The following DLGAP1 variants were observed in gnomAD, a reference collection of about 807,000 sequenced individuals.
DLGAP1 encodes DLG associated protein 1.
In DLGAP1, 11 loss-of-function variants were observed where a neutral mutation model predicts 90.8. The observed-to-expected ratio is 0.12, with a 90% CI of 0.08 to 0.20. The LOEUF is 0.20. Ranked by LOEUF, DLGAP1 falls within the 10% of genes least tolerant of loss-of-function variation. The pLI is 1.00. For missense variants in DLGAP1, 1,050 were observed against 1,333.8 expected (o/e 0.79, Z 3.31); for synonymous variants, 558 against 540.7 (o/e 1.03, Z -0.44).
At chr18:4,062,693 T>C (rs1719667267) in intron 2 of DLGAP1, among the ~76,000 whole-genome samples, 1 of 152,136 alleles carries the variant, frequency 6.6e-6, no homozygotes, top group African/African-American at 2.4e-5. Flanking sequence ...TGCAAACAAA[T>C]CAGTCTCATT....
At chr18:3,552,000 G>A (rs1184949984) in intron 9 of DLGAP1, among the ~76,000 whole-genome samples, 1 of 150,594 alleles carries the variant, frequency 6.6e-6, no homozygotes, top group African/African-American at 2.4e-5. Flanking sequence ...TAGATAGAGG[G>A]TCTCACTATG....
intron 2 of DLGAP1, among the ~76,000 whole-genome samples, chr18:4,021,663 T>C (rs2074612452): frequency 6.6e-6 from 1 of 152,188 alleles, no homozygotes; most frequent in Admixed American, 6.6e-5. Flanking sequence ...AATGGCGCGA[T>C]CTTGGCTCAC....
chr18:3,932,796 T>C (rs985702614), intron 3 of DLGAP1, among the ~76,000 whole-genome samples: 5 of 152,078 alleles, frequency 3.3e-5, no homozygotes, highest in Non-Finnish European at 5.9e-5. Flanking sequence ...CTTAAATCAA[T>C]TGGTGCACAA....
intron 7 of DLGAP1, among the ~76,000 whole-genome samples, chr18:3,672,169 GTGA>G (rs2060108416): frequency 6.7e-6 from 1 of 149,050 alleles, no homozygotes; most frequent in Admixed American, 6.7e-5. Flanking sequence ...GGGAGAAAAT[GTGA>G]TTATTACTAA....
intron 7 of DLGAP1, among the ~76,000 whole-genome samples, chr18:3,682,698 C>T (rs186657355): frequency 7.9e-5 from 12 of 152,234 alleles, no homozygotes; most frequent in Non-Finnish European, 1.2e-4. Context: ...AAGTTCCTGT[C>T]GGCTGTAGCC....
At chr18:4,265,147 C>T (rs192615946) in intron 1 of DLGAP1, among the ~76,000 whole-genome samples, 122 of 144,848 alleles carry the variant, frequency 8.4e-4, no homozygotes, top group African/African-American at 3.0e-3. Flanking sequence ...TCCCTCCCTC[C>T]CATCCTCTCT....
At chr18:4,229,564 C>T (rs571283644) in intron 1 of DLGAP1, among the ~76,000 whole-genome samples, 16 of 151,910 alleles carry the variant, frequency 1.1e-4, no homozygotes, top group Non-Finnish European at 2.1e-4. Flanking sequence ...ATTCCAGGAA[C>T]ATATTGGAGA....
At chr18:3,910,652 C>T (rs978214263) in intron 3 of DLGAP1, among the ~76,000 whole-genome samples, 1 of 152,070 alleles carries the variant, frequency 6.6e-6, no homozygotes, top group African/African-American at 2.4e-5. Context: ...ATTGGCGATT[C>T]GGAATCATTG....
chr18:3,666,467 G>A (rs1778614853), intron 7 of DLGAP1, among the ~76,000 whole-genome samples: 2 of 152,148 alleles, frequency 1.3e-5, no homozygotes, highest in South Asian at 4.1e-4. Context: ...TGGCGTTTGT[G>A]TGCTGTCATT....
intron 1 of DLGAP1, among the ~76,000 whole-genome samples, chr18:4,325,199 G>A (rs1260719802): frequency 2.6e-5 from 4 of 151,986 alleles, no homozygotes; most frequent in Admixed American, 1.3e-4. Context: ...AAAATCACTC[G>A]CATTCCTATA....
chr18:4,361,011 T>G (rs1414200764), intron 1 of DLGAP1, among the ~76,000 whole-genome samples: 1 of 151,940 alleles, frequency 6.6e-6, no homozygotes, highest in African/African-American at 2.4e-5. Flanking sequence ...AGTCAAAAGA[T>G]GAGACAAAGA....
intron 5 of DLGAP1, among the ~76,000 whole-genome samples, chr18:3,805,489 G>C (rs966367467): frequency 2.0e-5 from 3 of 152,206 alleles, no homozygotes; most frequent in Non-Finnish European, 4.4e-5. Context: ...GTGAAAAATA[G>C]TAAAGCTGGA....
At chr18:3,703,420 T>C (rs1359885698) in intron 7 of DLGAP1, among the ~76,000 whole-genome samples, 2 of 152,150 alleles carry the variant, frequency 1.3e-5, no homozygotes, top group Non-Finnish European at 2.9e-5. Flanking sequence ...GACAAATAAA[T>C]GAGACTGGTA....
chr18:3,674,734 C>T (rs1381069816), intron 7 of DLGAP1, among the ~76,000 whole-genome samples: 1 of 152,090 alleles, frequency 6.6e-6, no homozygotes, highest in Non-Finnish European at 1.5e-5. Context: ...ATCACCTATA[C>T]CACGTCCAAC....
At chr18:4,450,217 T>C (rs978327914) in intron 1 of DLGAP1, among the ~76,000 whole-genome samples, 6 of 152,276 alleles carry the variant, frequency 3.9e-5, no homozygotes, top group Admixed American at 2.0e-4. Context: ...CTTAGTGATA[T>C]CTAGCAGGGA....
At chr18:3,753,212 T>TA (rs1448924376) in intron 5 of DLGAP1, among the ~76,000 whole-genome samples, 1 of 152,170 alleles carries the variant, frequency 6.6e-6, no homozygotes, top group African/African-American at 2.4e-5. Flanking sequence ...TGATTTTAGA[T>TA]AAAAACAATG....
chr18:4,007,348 T>C (rs1374170597), intron 2 of DLGAP1, among the ~76,000 whole-genome samples: 2 of 152,002 alleles, frequency 1.3e-5, no homozygotes, highest in African/African-American at 4.8e-5. Flanking sequence ...GCTGTTTTAT[T>C]ACTTTCTTAA....
At chr18:4,093,133 A>G (rs1031225404) in intron 2 of DLGAP1, among the ~76,000 whole-genome samples, 1 of 152,136 alleles carries the variant, frequency 6.6e-6, no homozygotes, top group Non-Finnish European at 1.5e-5. Context: ...GTTCAATTAT[A>G]TGTATTGTAT....
Position 4,306,462 on chromosome 18 carries a change from T to TGA in DLGAP1, c.-267+148542_-267+148543dup, listed in dbSNP as rs1228381727. ...GTGTGTGTGTGTGTGTGTGTGTGTG[T>TGA]GAGAGAGAGAGAGACAGACAGAGAA... On this transcript the variant is annotated intron_variant, in intron 1 of 12. Transcript: ENST00000315677. Among the ~76,000 whole-genome samples, 359 of 52,160 alleles carry TGA rather than the reference T, an allele frequency of 6.9e-3. 4 individuals carry two copies. The highest frequency in any genetic ancestry group is 0.017 in the African/African-American group (321 of 18,838). The allele number at this position is 52,160 out of a possible 152,430, so 34.2% of individuals were successfully genotyped here. A position where few individuals can be genotyped will look rare whatever the true frequency, so the allele number is the denominator to read the frequency against.
Sources: gnomAD v4.1 joint callset for allele counts (sites outside exome capture counted in the v4.1 genomes callset) on GRCh38, gnomAD v4.1.1 for gene constraint, MANE v1.5 for transcripts, NCBI Gene and HGNC (gene_info 2026-07-23, HGNC 2026-07-21) for gene names.